ST18: variants seen among roughly 807,000 people sequenced by gnomAD.
The protein encoded by ST18 is ST18 C2H2C-type zinc finger transcription factor, also known as suppression of tumorigenicity 18 protein.
A neutral mutation model predicts 110.0 loss-of-function variants in ST18; 50 were observed. The observed-to-expected ratio is 0.45, with a 90% CI of 0.36 to 0.58. The LOEUF (loss-of-function observed/expected upper bound fraction) is 0.58. Among genes scored for constraint, ST18 ranks in the 20% least tolerant of loss-of-function variants. ST18 has a pLI of 0.00. For synonymous variants in ST18, 461 were observed against 452.4 expected (o/e 1.02, Z -0.24); for missense variants, 1,306 against 1,280.1 (o/e 1.02, Z -0.31).
chr8:52,340,282 T>A (rs1814273296), intron 2 of ST18, among the ~76,000 whole-genome samples: 1 of 152,252 alleles, frequency 6.6e-6, no homozygotes, highest in African/African-American at 2.4e-5. Flanking sequence ...ACTATTCCCA[T>A]CAATACCAGA....
At chr8:52,215,546 A>G (rs1395375738) in intron 6 of ST18, among the ~76,000 whole-genome samples, 1 of 152,196 alleles carries the variant, frequency 6.6e-6, no homozygotes, top group East Asian at 1.9e-4. Flanking sequence ...TCATCATTTC[A>G]TAATAAACAC....
intron 2 of ST18, among the ~76,000 whole-genome samples, chr8:52,281,615 A>C (rs1415877994): frequency 6.6e-6 from 1 of 152,218 alleles, no homozygotes; most frequent in Non-Finnish European, 1.5e-5. Context: ...ATCACAGATT[A>C]AATTGAAATA....
rs576158751 is a variant in ST18, at chr8:52,111,044, C to T, written c.*2154G>A. The stretch of plus-strand genomic sequence containing the variant: ...ATCATTAACATAGTTGAAAAGAAAA[C>T]AAATTCAGTGCACATTACAAAACAC... On this transcript the variant is annotated 3_prime_UTR_variant, in exon 26 of 26. Transcript: ENST00000689386. The T allele has an allele frequency of 2.5e-6, 1 of 398,516 alleles. No individual in the cohort carries two copies. The highest frequency in any genetic ancestry group is 3.6e-5 in the East Asian group (1 of 28,002). 24.7% of individuals were successfully genotyped at this position (398,516 alleles called of 1,614,324 possible).
chr8:52,207,868 A>G (rs1488246643), intron 8 of ST18, among the ~76,000 whole-genome samples: 1 of 152,208 alleles, frequency 6.6e-6, no homozygotes, highest in Non-Finnish European at 1.5e-5. Flanking sequence ...GCAAGAGACA[A>G]TTACCAATAT....
chr8:52,409,561 G>T lies in ST18; in HGVS notation c.-603C>A, dbSNP rs1258876593. ...ATGTGATAGCACCTTCCACAACTCT[G>T]CCAGGCACTGGTTTTTGCGTGGGAT... On this transcript the variant is annotated 5_prime_UTR_variant, in exon 1 of 26. Coordinates refer to ENST00000689386, the MANE Select transcript of ST18 (RefSeq NM_001352837.2). 6.6e-6 allele frequency: 1 copy of T among 152,134 alleles called. No homozygotes were observed. The highest frequency in any genetic ancestry group is 1.5e-5 in the Non-Finnish European group (1 of 68,030). 9.4% of individuals were successfully genotyped at this position (152,134 alleles called of 1,614,324 possible).
intron 2 of ST18, chr8:52,313,132 G>A (rs1040388068): frequency 6.6e-6 from 1 of 152,376 alleles, no homozygotes; most frequent in Non-Finnish European, 1.5e-5. Flanking sequence ...GTTGTGTGGT[G>A]CGAAACACTT....
intron 23 of ST18, among the ~76,000 whole-genome samples, chr8:52,121,677 A>G (rs1324150366): frequency 6.6e-6 from 1 of 151,340 alleles, no homozygotes. Flanking sequence ...GTTCCAGAAT[A>G]TGTTCTTTTA....
chr8:52,263,019 C>T (rs536939569), intron 2 of ST18, among the ~76,000 whole-genome samples: 3 of 152,330 alleles, frequency 2.0e-5, no homozygotes, highest in East Asian at 1.9e-4. Context: ...GGAGCCACCT[C>T]GACTGAAGTT....
chr8:52,355,476 T>C (rs1822294261), intron 2 of ST18, among the ~76,000 whole-genome samples: 1 of 152,104 alleles, frequency 6.6e-6, no homozygotes, highest in Admixed American at 6.5e-5. Flanking sequence ...ATAATGATAA[T>C]AAAGATTACT....
At chr8:52,188,788 T>C (rs969414524) in intron 8 of ST18, among the ~76,000 whole-genome samples, 2 of 152,006 alleles carry the variant, frequency 1.3e-5, no homozygotes, top group Non-Finnish European at 2.9e-5. Flanking sequence ...AGAAAGCAAA[T>C]GGAATTATGA....
rs565381067 is a variant in ST18 at position 52,212,090 on chromosome 8, G to C, written c.75C>G (p.Ile25Met). 3.7e-6 allele frequency: 6 copies of C among 1,605,112 alleles called. No individual in the cohort carries two copies. The South Asian group carries it at 5.6e-5, about 15-fold the overall frequency. The change falls in exon 8 of 26, where the codon ATC (isoleucine) becomes ATG (methionine). Residue 25 changes from isoleucine to methionine, a missense_variant. By Grantham distance (10) the Ile-to-Met change is conservative. Coordinates refer to ENST00000689386, the MANE Select transcript of ST18 (RefSeq NM_001352837.2). ...KGTEVPMDSL[I>M]QELSVAYDCS... ...AGGGTAAATCTTACCTGAGCTCCTG[G>C]ATTAGTGAATCCATTGGCACTGTTG...
intron 2 of ST18, among the ~76,000 whole-genome samples, chr8:52,250,875 G>T (rs3924606): frequency 0.26 from 39,529 of 151,906 alleles, 5,332 homozygotes; most frequent in Middle Eastern, 0.41. Context: ...AGCTAAAGAG[G>T]AGGAAGAAAC....
chr8:52,115,535 T>C (rs1044658260), intron 25 of ST18, among the ~76,000 whole-genome samples: 1 of 152,334 alleles, frequency 6.6e-6, no homozygotes, highest in Non-Finnish European at 1.5e-5. Flanking sequence ...GCCTAAAGTA[T>C]TCAGTACACT....
intron 25 of ST18, among the ~76,000 whole-genome samples, chr8:52,114,424 C>A (rs965517733): frequency 1.3e-5 from 2 of 152,118 alleles, no homozygotes; most frequent in Non-Finnish European, 2.9e-5. Flanking sequence ...CCACCATTTT[C>A]CCTCCTTTTT....
At chr8:52,167,065 G>A in intron 10 of ST18, 79 bp from the exon 11 acceptor site, 1 of 1,508,280 alleles carries the variant, frequency 6.6e-7, no homozygotes, top group Non-Finnish European at 9.0e-7. Context: ...CTTGCAGGGT[G>A]ACATTCTCAC....
chr8:52,120,762 T>A (rs528462412), intron 23 of ST18, among the ~76,000 whole-genome samples: 4 of 152,068 alleles, frequency 2.6e-5, no homozygotes, highest in African/African-American at 9.6e-5. Context: ...GAGTAGCGGA[T>A]AGATTGGAGA....
chr8:52,162,295 T>C (rs1272627135), intron 13 of ST18, among the ~76,000 whole-genome samples: 1 of 152,202 alleles, frequency 6.6e-6, no homozygotes, highest in Non-Finnish European at 1.5e-5. Context: ...GTTAGAATTG[T>C]TCATTAGATT....
intron 2 of ST18, chr8:52,294,456 G>GC (rs2095601631): frequency 6.6e-6 from 1 of 152,256 alleles, no homozygotes; most frequent in Admixed American, 6.5e-5. Context: ...AGGGACCAAG[G>GC]CCCCCAGGAA....
chr8:52,178,635 A>C (rs1316269586), intron 9 of ST18, among the ~76,000 whole-genome samples: 2 of 132,088 alleles, frequency 1.5e-5, no homozygotes, highest in South Asian at 4.7e-4. Context: ...AAAAAAAAAA[A>C]AAAAAAAACC....
Sources: allele counts gnomAD v4.1 joint callset (sites outside exome capture counted in the v4.1 genomes callset), GRCh38; gene constraint gnomAD v4.1.1; transcripts MANE v1.5; gene names NCBI Gene and HGNC (gene_info 2026-07-23, HGNC 2026-07-21).